SCARA5: variants seen among roughly 807,000 people sequenced by gnomAD.
SCARA5 encodes scavenger receptor class A, member 5 (putative).
In SCARA5, 45 loss-of-function variants were observed where a neutral mutation model predicts 46.3. That is an observed-to-expected ratio of 0.97 (90% CI 0.76 to 1.24). The LOEUF (loss-of-function observed/expected upper bound fraction) is 1.24, where lower values mean the gene tolerates loss of function less well. Ranked by LOEUF, SCARA5 falls within the 50% of genes most tolerant of loss-of-function variation. SCARA5 has a pLI of 0.00. For synonymous variants in SCARA5, 333 were observed against 306.5 expected (o/e 1.09, Z -0.90); for missense variants, 680 against 689.0 (o/e 0.99, Z 0.15).
At chr8:27,908,451 C>T (rs1807308815) in intron 5 of SCARA5, among the ~76,000 whole-genome samples, 1 of 152,222 alleles carries the variant, frequency 6.6e-6, no homozygotes, top group Admixed American at 6.5e-5. Context: ...CAAAGCAGAG[C>T]ACCCTTAATT....
At chr8:27,906,033 A>G (rs1807256729) in intron 6 of SCARA5, among the ~76,000 whole-genome samples, 1 of 152,200 alleles carries the variant, frequency 6.6e-6, no homozygotes, top group Non-Finnish European at 1.5e-5. Context: ...TTCAACAAGC[A>G]TGTGCTGCTT....
At position 27,983,996 on chromosome 8, in the gene SCARA5, C is replaced by A. The variant is rs142831426; in HGVS notation, c.112+3508G>T. Among the ~76,000 whole-genome samples, 1,346 of 152,312 alleles carry A rather than the reference C, an allele frequency of 8.8e-3. 12 individuals are homozygous for A. Among genetic ancestry groups the A allele is most frequent in the Admixed American group, 0.014 (216 of 15,306 alleles). The stretch of plus-strand genomic sequence containing the variant: ...GACTTGGAGCTTGTCCTGGACCTCA[C>A]ACTTCACCGTCTTCATTTACTAAAT... On this transcript the variant is annotated intron_variant, in intron 2 of 8. Coordinates refer to ENST00000354914, the MANE Select transcript of SCARA5 (RefSeq NM_173833.6).
intron 7 of SCARA5, among the ~76,000 whole-genome samples, chr8:27,887,302 G>T (rs781677269): frequency 2.0e-5 from 3 of 152,136 alleles, no homozygotes; most frequent in African/African-American, 7.2e-5. Flanking sequence ...TCCCGTGTGG[G>T]TATCTGATTT....
intron 7 of SCARA5, 30 bp downstream of exon 7, chr8:27,904,748 T>C (rs1250817398): frequency 1.2e-6 from 2 of 1,601,742 alleles, no homozygotes; most frequent in East Asian, 4.5e-5. Flanking sequence ...GCCAACACCA[T>C]ATCCCACGGC....
At chr8:27,878,184 C>T (rs1465071017) in intron 8 of SCARA5, among the ~76,000 whole-genome samples, 2 of 152,188 alleles carry the variant, frequency 1.3e-5, no homozygotes, top group Non-Finnish European at 1.5e-5. Context: ...GCCCCAATCC[C>T]TCCCCACACC....
rs369991721 is a variant in SCARA5, at chr8:27,933,634, T to C, written c.242-11389A>G. 3.3e-5 allele frequency among the ~76,000 whole-genome samples: 5 copies of C among 152,310 alleles called. No homozygotes were observed. The South Asian group carries it at 6.2e-4, about 19-fold the overall frequency. On this transcript the variant is annotated intron_variant, in intron 3 of 8. Transcript: ENST00000354914. ...TAAATATAAACTTATATAACTTTTT[T>C]GGAAAGTAATTTGGCTGAAATATTT...
rs1334258576 is a variant in SCARA5, at chr8:27,869,929, C to A, written c.*2005G>T. ...ATTGAAATTCTTTCTTACAAAAGGT[C>A]TGATGTATTTTAGGCCAGGCCTAAT... On this transcript the variant is annotated 3_prime_UTR_variant, in exon 9 of 9. Coordinates refer to ENST00000354914, the MANE Select transcript of SCARA5 (RefSeq NM_173833.6). 2 of 152,222 alleles carry A rather than the reference C, an allele frequency of 1.3e-5. No homozygotes were observed. Among genetic ancestry groups the A allele is most frequent in the African/African-American group, 4.8e-5 (2 of 41,454 alleles). 9.4% of individuals were successfully genotyped at this position (152,222 alleles called of 1,614,324 possible). A position where few individuals can be genotyped will look rare whatever the true frequency, so the allele number is the denominator to read the frequency against.
At chr8:27,979,950 G>A (rs535998609) in intron 2 of SCARA5, among the ~76,000 whole-genome samples, 5 of 152,266 alleles carry the variant, frequency 3.3e-5, no homozygotes, top group African/African-American at 9.6e-5. Context: ...TATCAGAGCC[G>A]AGTGAGGCTG....
intron 3 of SCARA5, among the ~76,000 whole-genome samples, chr8:27,937,209 C>T (rs1365562596): frequency 6.6e-6 from 1 of 152,140 alleles, no homozygotes; most frequent in African/African-American, 2.4e-5. Flanking sequence ...AAAGGAAAAA[C>T]CAAGTTCCAG....
At chr8:27,919,591 C>G (rs1318676402) in intron 4 of SCARA5, among the ~76,000 whole-genome samples, 1 of 152,088 alleles carries the variant, frequency 6.6e-6, no homozygotes, top group African/African-American at 2.4e-5. Context: ...TACTCCTTGA[C>G]ATTGCTCACT....
intron 2 of SCARA5, among the ~76,000 whole-genome samples, chr8:27,973,998 T>C (rs1808484736): frequency 6.6e-6 from 1 of 152,190 alleles, no homozygotes; most frequent in Non-Finnish European, 1.5e-5. Flanking sequence ...GGTAGGGAGA[T>C]GTTTGGCAAC....
chr8:27,920,636 A>C lies in SCARA5; in HGVS notation c.916+935T>G, dbSNP rs561046453. ...TCAAAAAAAAAAAAACCAAAACAAA[A>C]CAAAACAAAAAAACAAACAAAAAAA... On this transcript the variant is annotated intron_variant, in intron 4 of 8. Coordinates refer to ENST00000354914, the MANE Select transcript of SCARA5 (RefSeq NM_173833.6). 6.0e-5 allele frequency among the ~76,000 whole-genome samples: 9 copies of C among 150,256 alleles called. No homozygotes were observed. The East Asian group carries it at 9.8e-4, about 16-fold the overall frequency.
intron 1 of SCARA5, 130 bp from the exon 2 acceptor site, chr8:27,987,760 C>T (rs1360994210): frequency 1.9e-5 from 12 of 619,080 alleles, no homozygotes; most frequent in African/African-American, 3.6e-5. Context: ...GCCTGAACAC[C>T]GGGACCCTCT....
chr8:27,887,400 T>A (rs1230445762), intron 7 of SCARA5, among the ~76,000 whole-genome samples: 1 of 152,216 alleles, frequency 6.6e-6, no homozygotes, highest in African/African-American at 2.4e-5. Flanking sequence ...GGGGTCTACC[T>A]GTCCATGCCT....
chr8:27,929,708 G>A (rs1807739279), intron 3 of SCARA5, among the ~76,000 whole-genome samples: 1 of 152,150 alleles, frequency 6.6e-6, no homozygotes, highest in African/African-American at 2.4e-5. Context: ...TCAGTCACAA[G>A]GCAAACTCCA....
chr8:27,895,976 C>A (rs1279858258), intron 7 of SCARA5, among the ~76,000 whole-genome samples: 1 of 152,148 alleles, frequency 6.6e-6, no homozygotes, highest in African/African-American at 2.4e-5. Context: ...AGGAGCTCAC[C>A]CCATCACAGT....
At chr8:27,975,167 A>C (rs1007211295) in intron 2 of SCARA5, among the ~76,000 whole-genome samples, 6 of 152,130 alleles carry the variant, frequency 3.9e-5, no homozygotes, top group African/African-American at 1.4e-4. Context: ...ATGCCTACAT[A>C]ATGAAGCTTC....
At chr8:27,923,771 C>T (rs1662508137) in intron 3 of SCARA5, among the ~76,000 whole-genome samples, 2 of 152,140 alleles carry the variant, frequency 1.3e-5, no homozygotes, top group African/African-American at 4.8e-5. Context: ...GATGGGGTTT[C>T]ACCATGTTGG....
intron 6 of SCARA5, among the ~76,000 whole-genome samples, chr8:27,906,306 G>C (rs926263211): frequency 1.3e-5 from 2 of 152,214 alleles, no homozygotes; most frequent in South Asian, 4.1e-4. Context: ...AGACAATCTT[G>C]AAGCGAGCAT....
Sources: allele counts gnomAD v4.1 joint callset (sites outside exome capture counted in the v4.1 genomes callset), GRCh38; gene constraint gnomAD v4.1.1; transcripts MANE v1.5; gene names NCBI Gene and HGNC (gene_info 2026-07-23, HGNC 2026-07-21).